TMEM192: variants seen among roughly 807,000 people sequenced by gnomAD.
TMEM192 encodes the protein transmembrane protein 192.
In TMEM192, 20 loss-of-function variants were observed where a neutral mutation model predicts 26.7. The observed-to-expected ratio is 0.75, with a 90% CI of 0.53 to 1.09. The LOEUF is 1.09. Among genes scored for constraint, TMEM192 ranks in the 50% least tolerant of loss-of-function variants. TMEM192 has a pLI of 0.00. For missense variants in TMEM192, 304 were observed against 322.6 expected (o/e 0.94, Z 0.44); for synonymous variants, 124 against 121.0 (o/e 1.02, Z -0.16).
At chr4:165,103,682 AT>A (rs1235458539) in intron 1 of TMEM192, among the ~76,000 whole-genome samples, 6 of 151,762 alleles carry the variant, frequency 4.0e-5, no homozygotes, top group Non-Finnish European at 8.8e-5. Context: ...CACCCGGCTA[AT>A]TTTTTATTTT....
intron 3 of TMEM192, among the ~76,000 whole-genome samples, chr4:165,095,253 C>T (rs1484115071): frequency 1.3e-5 from 2 of 152,114 alleles, no homozygotes; most frequent in African/African-American, 4.8e-5. Context: ...GTAGTAAATG[C>T]CATATATCAT....
Position 165,093,840 on chromosome 4 carries a change from C to G in TMEM192, c.440-5238G>C, listed in dbSNP as rs181119347. Among the ~76,000 whole-genome samples, 120 of 152,166 alleles carry G rather than the reference C, an allele frequency of 7.9e-4. 2 individuals are homozygous for G. In the East Asian group the frequency reaches 0.021, roughly 27 times the overall value. ...CCAGTTCAAGCAATTCTTGGCCTCC[C>G]TAGTAGCTGGAATTACAGGCACCCG... On this transcript the variant is annotated intron_variant, in intron 3 of 5. Coordinates refer to ENST00000306480, the MANE Select transcript of TMEM192 (RefSeq NM_001100389.2).
At chr4:165,097,172 A>T (rs1310035048) in intron 3 of TMEM192, among the ~76,000 whole-genome samples, 4 of 152,156 alleles carry the variant, frequency 2.6e-5, no homozygotes, top group African/African-American at 9.6e-5. Flanking sequence ...TTCACTGAGT[A>T]GATGAACTTG....
intron 5 of TMEM192, 26 bp from the exon 6 acceptor site, chr4:165,079,822 G>A: frequency 6.2e-7 from 1 of 1,608,314 alleles, no homozygotes; most frequent in East Asian, 2.2e-5. Flanking sequence ...ATATAAATGG[G>A]TTACACATAT....
chr4:165,106,572 G>A (rs56954575), intron 1 of TMEM192, among the ~76,000 whole-genome samples: 21,002 of 152,256 alleles, frequency 0.14, 2,988 homozygotes, highest in African/African-American at 0.36. Flanking sequence ...CAGAATAGGC[G>A]TATAAGCAGC....
At chr4:165,112,570 C>T (rs1735320327) in intron 1 of TMEM192, among the ~76,000 whole-genome samples, 177 bp downstream of exon 1, 1 of 152,194 alleles carries the variant, frequency 6.6e-6, no homozygotes, top group Non-Finnish European at 1.5e-5. Flanking sequence ...ATCCCACAGC[C>T]GCCTGGAGCC....
intron 3 of TMEM192, among the ~76,000 whole-genome samples, chr4:165,098,590 G>A (rs1243175590): frequency 6.6e-6 from 1 of 151,978 alleles, no homozygotes; most frequent in Non-Finnish European, 1.5e-5. Flanking sequence ...GTGATTATAG[G>A]CATGAGCCAC....
Position 165,107,352 on chromosome 4 carries a change from A to AC in TMEM192, c.28-4257_28-4256insG, listed in dbSNP as rs200930099. Reference sequence around the variant, plus strand: ...TTTTAAAACAAAAACAAAAACAAAAAAAAAAACAGGGTCTCACTCTGTCAC... The same window carrying AC: ...TTTTAAAACAAAAACAAAAACAAAAACAAAAAACAGGGTCTCACTCTGTCAC... On this transcript the variant is annotated intron_variant, in intron 1 of 5. Transcript: ENST00000306480. Among the ~76,000 whole-genome samples the AC allele has an allele frequency of 5.3e-3, 791 of 149,508 alleles. 8 individuals are homozygous for AC. Among genetic ancestry groups the AC allele is most frequent in the African/African-American group, 0.016 (647 of 40,454 alleles).
chr4:165,074,033 T>C lies in TMEM192; in HGVS notation c.*5625A>G, dbSNP rs563382714. Reference sequence around the variant, plus strand: ...CCCTGGGCCCACTGTTCTTTCTTTATACTTTGTCTCTGTGTCTTATTTCTT... The same window carrying C: ...CCCTGGGCCCACTGTTCTTTCTTTACACTTTGTCTCTGTGTCTTATTTCTT... On this transcript the variant is annotated 3_prime_UTR_variant, in exon 6 of 6. Transcript: ENST00000306480. 13 of 152,278 alleles carry C rather than the reference T, an allele frequency of 8.5e-5. No individual in the cohort carries two copies. Among genetic ancestry groups the C allele is most frequent in the African/African-American group, 3.1e-4 (13 of 41,566 alleles). 9.4% of individuals were successfully genotyped at this position (152,278 alleles called of 1,614,324 possible).
chr4:165,077,912 T>C lies in TMEM192; in HGVS notation c.*1746A>G, dbSNP rs1734425712. On this transcript the variant is annotated 3_prime_UTR_variant, in exon 6 of 6. Coordinates refer to ENST00000306480, the MANE Select transcript of TMEM192 (RefSeq NM_001100389.2). ...ATTTGGCTTTAGTTTGTGAATGTTG[T>C]GTGCAGGTGACACACGATCTTTTTT... The C allele has an allele frequency of 1.3e-5, 2 of 151,112 alleles. No individual in the cohort carries two copies. The highest frequency in any genetic ancestry group is 4.2e-4 in the South Asian group (2 of 4,774). 9.4% of individuals were successfully genotyped at this position (151,112 alleles called of 1,614,324 possible). A position where few individuals can be genotyped will look rare whatever the true frequency, so the allele number is the denominator to read the frequency against.
intron 1 of TMEM192, among the ~76,000 whole-genome samples, chr4:165,110,721 AT>A (rs1252787981): frequency 1.3e-5 from 2 of 152,176 alleles, no homozygotes; most frequent in African/African-American, 4.8e-5. Flanking sequence ...AAGAAGAAAG[AT>A]CATGATTTAG....
intron 2 of TMEM192, 54 bp downstream of exon 2, chr4:165,102,896 A>G (rs1735069791): frequency 2.6e-6 from 4 of 1,520,492 alleles, no homozygotes; most frequent in Admixed American, 2.1e-5. Context: ...AAACACTTAT[A>G]TAATTTTTAC....
intron 1 of TMEM192, among the ~76,000 whole-genome samples, chr4:165,103,531 T>TTTTTTA (rs1735094838): frequency 6.9e-5 from 9 of 131,236 alleles, no homozygotes; most frequent in South Asian, 2.4e-4. Context: ...TTTTTTTTTT[T>TTTTTTA]GAGATAGAGT....
Position 165,083,416 on chromosome 4 carries a change from A to T in TMEM192, c.677+2170T>A, listed in dbSNP as rs1734542691. 5.0e-5 allele frequency among the ~76,000 whole-genome samples: 2 copies of T among 40,398 alleles called. 1 individual carries two copies. The highest frequency in any genetic ancestry group is 8.9e-5 in the African/African-American group (2 of 22,576). 26.5% of individuals were successfully genotyped at this position (40,398 alleles called of 152,430 possible). On this transcript the variant is annotated intron_variant, in intron 5 of 5. Transcript: ENST00000306480. ...CATAGTTCTGTACGTATTGAGAATT[A>T]TAGACAGTATAATCCAGGCTTCAAG...
chr4:165,102,731 G>A (rs1735065343), intron 2 of TMEM192, among the ~76,000 whole-genome samples: 2 of 150,798 alleles, frequency 1.3e-5, no homozygotes, highest in South Asian at 4.2e-4. Context: ...CTTTACATGT[G>A]TGCAAATATA....
rs567948927 is a variant in TMEM192, at chr4:165,083,404, G to A, written c.677+2182C>T. Among the ~76,000 whole-genome samples, 8 of 40,182 alleles carry A rather than the reference G, an allele frequency of 2.0e-4. 4 individuals are homozygous for A. Among genetic ancestry groups the A allele is most frequent in the African/African-American group, 2.7e-4 (6 of 22,452 alleles). The allele number at this position is 40,182 out of a possible 152,430, so 26.4% of individuals were successfully genotyped here. On this transcript the variant is annotated intron_variant, in intron 5 of 5. Transcript: ENST00000306480. ...CACCTCCGTTTTCATAGTTCTGTAC[G>A]TATTGAGAATTATAGACAGTATAAT...
At chr4:165,087,984 A>C (rs1449194363) in intron 4 of TMEM192, among the ~76,000 whole-genome samples, 2 of 152,176 alleles carry the variant, frequency 1.3e-5, no homozygotes, top group Non-Finnish European at 2.9e-5. Context: ...ATCTTGGCTC[A>C]CTGCAACCTC....
At chr4:165,098,376 C>T (rs891406385) in intron 3 of TMEM192, among the ~76,000 whole-genome samples, 6 of 152,056 alleles carry the variant, frequency 3.9e-5, no homozygotes, top group African/African-American at 1.2e-4. Context: ...CTACCCGCCT[C>T]GGCCTCCCAA....
At chr4:165,110,212 A>G (rs1735261244) in intron 1 of TMEM192, among the ~76,000 whole-genome samples, 1 of 152,170 alleles carries the variant, frequency 6.6e-6, no homozygotes, top group African/African-American at 2.4e-5. Context: ...TAACTACATT[A>G]CCACCTGTAG....
Sources: gnomAD v4.1 joint callset for allele counts (sites outside exome capture counted in the v4.1 genomes callset) on GRCh38, gnomAD v4.1.1 for gene constraint, MANE v1.5 for transcripts, NCBI Gene and HGNC (gene_info 2026-07-23, HGNC 2026-07-21) for gene names.